Variants in RPAP1 observed in about 807,000 individuals in gnomAD.
RPAP1 encodes the protein RNA polymerase II-associated protein 1.
A neutral mutation model predicts 142.4 loss-of-function variants in RPAP1; 109 were observed. The ratio of observed to expected loss-of-function variants is 0.77; its 90% CI spans 0.66 to 0.90. The LOEUF is 0.90. Ranked by LOEUF, RPAP1 falls within the 40% of genes least tolerant of loss-of-function variation. The probability of loss-of-function intolerance (pLI) is 0.00; values close to 1 mark genes in which losing one functional copy is unlikely to be tolerated. For missense variants in RPAP1, 1,546 were observed against 1,751.7 expected, an observed-to-expected ratio of 0.88 and a Z score of 2.10; for synonymous variants, 704 against 738.9, an observed-to-expected ratio of 0.95 and a Z score of 0.77.
At chr15:41,534,987 T>A (rs756392384) in intron 5 of RPAP1, 52 bp from the exon 6 acceptor site, 2 of 1,556,410 alleles carry the variant, frequency 1.3e-6, no homozygotes, top group South Asian at 1.1e-5. Flanking sequence ...GGGCTCTAAC[T>A]GGGCTTTTTG....
chr15:41,536,416 C>T, intron 3 of RPAP1, 85 bp downstream of exon 3: 3 of 1,540,912 alleles, frequency 1.9e-6, no homozygotes, highest in Non-Finnish European at 2.7e-6. Flanking sequence ...AAGCACCCTC[C>T]ACTGATAAGC....
In RPAP1 at chr15:41,517,683, C is replaced by A; in HGVS notation, c.4041G>T (p.Arg1347=). 1 of 1,612,210 alleles carries A rather than the reference C, an allele frequency of 6.2e-7. No homozygotes were observed. Among genetic ancestry groups the A allele is most frequent in the Non-Finnish European group, 8.5e-7 (1 of 1,178,622 alleles). The change falls in exon 25 of 25, where the codon CGG becomes CGT. Residue 1347 remains arginine, a synonymous_variant. Coordinates refer to ENST00000304330, the MANE Select transcript of RPAP1 (RefSeq NM_015540.4). ...GAAGCTTATAGTGCAGGAGGTGCTG[C>A]CGGAGACCCTGCAGAAAGGAAAGAA... ...KTWLLADEGL[R]QHLLHYKLPN... is the part of the protein sequence containing the mutation.
chr15:41,519,762 A>G (rs2051704195), intron 22 of RPAP1: 1 of 153,086 alleles, frequency 6.5e-6, no homozygotes, highest in African/African-American at 2.4e-5. Context: ...ACAAAGCCCA[A>G]TTTGATCTTT....
In RPAP1 at chr15:41,539,291, G is replaced by T. The variant is rs866258918; in HGVS notation, c.-76-2090C>A. 4.5e-3 allele frequency among the ~76,000 whole-genome samples: 650 copies of T among 145,542 alleles called. 3 individuals are homozygous for T. Among genetic ancestry groups the T allele is most frequent in the Non-Finnish European group, 7.6e-3 (509 of 66,802 alleles). ...TCAGCTAATTTTTGTTTTTTTTTTTGTTTTTTGTTTTTTGTTTTTTGAGAC... is the reference window on the plus strand; with the variant it reads ...TCAGCTAATTTTTGTTTTTTTTTTTTTTTTTTGTTTTTTGTTTTTTGAGAC... On this transcript the variant is annotated intron_variant, in intron 1 of 24. Coordinates refer to ENST00000304330, the MANE Select transcript of RPAP1 (RefSeq NM_015540.4).
chr15:41,535,160 T>C (rs2051894619), intron 5 of RPAP1, among the ~76,000 whole-genome samples: 2 of 152,216 alleles, frequency 1.3e-5, no homozygotes, highest in African/African-American at 4.8e-5. Flanking sequence ...CATCCTAATT[T>C]CTGACTCCTC....
At chr15:41,521,950 G>C in intron 20 of RPAP1, 70 bp from the exon 21 acceptor site, 1 of 1,580,136 alleles carries the variant, frequency 6.3e-7, no homozygotes, top group East Asian at 2.3e-5. Flanking sequence ...GTGAGGAAGA[G>C]GATAAAAGTG....
At chr15:41,518,678 CAAA>C (rs112073549) in intron 22 of RPAP1, among the ~76,000 whole-genome samples, 1 of 136,436 alleles carries the variant, frequency 7.3e-6, no homozygotes. Context: ...GACTCCGTCT[CAAA>C]AAAAAAAAAA....
rs1334797668 is a variant in RPAP1 at position 41,523,135 on chromosome 15, G to C, written c.2546+110C>G. The C allele has an allele frequency of 3.1e-6, 3 of 968,204 alleles. No homozygotes were observed. The East Asian group carries it at 8.1e-5, about 26-fold the overall frequency. 60.0% of individuals were successfully genotyped at this position (968,204 alleles called of 1,614,324 possible). A position where few individuals can be genotyped will look rare whatever the true frequency, so the allele number is the denominator to read the frequency against. On this transcript the variant is annotated intron_variant, in intron 18 of 24. Transcript: ENST00000304330. ...CTGCTAGGGACTCGGGTTTCCCTCG[G>C]GCCGAGGGCCTGCACCCTGGGATGG...
At position 41,534,920 on chromosome 15, in the gene RPAP1, T is replaced by G. The variant is rs2051892637; in HGVS notation, c.557A>C (p.Glu186Ala). ...VGPPEGAVTC[E>A]TPTPRNQGCQ... ...GCCCTGGTTCCTAGGAGTGGGTGTC[T>G]CACAGGTCACGGCACCTGGAAGAAA... The change falls in exon 6 of 25, where the codon GAG (glutamate) becomes GCG (alanine). Residue 186 changes from glutamate to alanine, a missense_variant. Physicochemically the swap from Glu to Ala is moderately radical, Grantham distance 107 (BLOSUM62 -1). Around this residue, in one of 3 missense-constraint regions of RPAP1, gnomAD observed 1,333 missense variants for 1,486.6 expected, o/e 0.90. Coordinates refer to ENST00000304330, the MANE Select transcript of RPAP1 (RefSeq NM_015540.4). 6.2e-7 allele frequency: 1 copy of G among 1,614,014 alleles called. No homozygotes were observed. The highest frequency in any genetic ancestry group is 1.3e-5 in the African/African-American group (1 of 74,934).
At chr15:41,524,921 G>C in intron 15 of RPAP1, 70 bp downstream of exon 15, 1 of 1,503,518 alleles carries the variant, frequency 6.7e-7, no homozygotes, top group East Asian at 2.3e-5. Context: ...GCAAGGCTGA[G>C]GTGTTTGATT....
At chr15:41,526,354 C>T (rs1419846340) in intron 14 of RPAP1, among the ~76,000 whole-genome samples, 2 of 152,232 alleles carry the variant, frequency 1.3e-5, no homozygotes, top group African/African-American at 4.8e-5. Flanking sequence ...TCAAGTGATC[C>T]TTCTACCTCA....
At chr15:41,539,345 C>T (rs944339331) in intron 1 of RPAP1, among the ~76,000 whole-genome samples, 2 of 151,392 alleles carry the variant, frequency 1.3e-5, no homozygotes, top group South Asian at 2.1e-4. Flanking sequence ...CCCAGGCTGG[C>T]GTGCAATGGC....
At chr15:41,524,807 G>A (rs768084402) in intron 15 of RPAP1, among the ~76,000 whole-genome samples, 184 bp downstream of exon 15, 2 of 152,158 alleles carry the variant, frequency 1.3e-5, no homozygotes, top group Admixed American at 6.6e-5. Context: ...GTTAAGCCAG[G>A]TTTATCCCCC....
At chr15:41,518,295 T>C in intron 22 of RPAP1, 113 bp from the exon 23 acceptor site, 1 of 856,888 alleles carries the variant, frequency 1.2e-6, no homozygotes, top group Non-Finnish European at 1.7e-6. Flanking sequence ...GATCAGGTCC[T>C]AGACAAACAT....
At chr15:41,527,108 T>C in intron 13 of RPAP1, 40 bp from the exon 14 acceptor site, 1 of 1,612,392 alleles carries the variant, frequency 6.2e-7, no homozygotes, top group Non-Finnish European at 8.5e-7. Flanking sequence ...AGGGAGGCTG[T>C]GGGTCAAGAC....
At chr15:41,540,790 T>C (rs889571642) in intron 1 of RPAP1, among the ~76,000 whole-genome samples, 1 of 152,158 alleles carries the variant, frequency 6.6e-6, no homozygotes, top group Non-Finnish European at 1.5e-5. Context: ...TCTGGAATAG[T>C]GAGGCAGATG....
chr15:41,526,784 C>G, intron 14 of RPAP1, 114 bp downstream of exon 14: 1 of 1,062,302 alleles, frequency 9.4e-7, no homozygotes, highest in Non-Finnish European at 1.4e-6. Context: ...GCAACTGGAT[C>G]AGAGAGGAAG....
At chr15:41,517,953 G>C (rs1042928966) in intron 23 of RPAP1, 53 bp downstream of exon 23, 2 of 1,612,598 alleles carry the variant, frequency 1.2e-6, no homozygotes, top group Non-Finnish European at 1.7e-6. Flanking sequence ...TGGCCCAGAG[G>C]CAGCTCAATT....
At position 41,538,339 on chromosome 15, in the gene RPAP1, C is replaced by T. The variant is rs183552808; in HGVS notation, c.-76-1138G>A. The stretch of plus-strand genomic sequence containing the variant: ...TATCATAGCTTACTACAGCCTCAAA[C>T]TCCTGGGCTTGGGTGATCCTCCCAC... On this transcript the variant is annotated intron_variant, in intron 1 of 24. Coordinates refer to ENST00000304330, the MANE Select transcript of RPAP1 (RefSeq NM_015540.4). Among the ~76,000 whole-genome samples, 322 of 152,302 alleles carry T rather than the reference C, an allele frequency of 2.1e-3. 3 individuals are homozygous for T. Among genetic ancestry groups the T allele is most frequent in the South Asian group, 6.2e-4 (3 of 4,824 alleles).
Sources: gnomAD v4.1 joint callset for allele counts (sites outside exome capture counted in the v4.1 genomes callset) on GRCh38, gnomAD v4.1.1 for gene constraint, gnomAD v4.1.1 regional missense constraint, MANE v1.5 for transcripts, NCBI Gene and HGNC (gene_info 2026-07-23, HGNC 2026-07-21) for gene names.